The following MYT1L variants were observed in gnomAD, a reference collection of about 807,000 sequenced individuals.
The protein encoded by MYT1L is myelin transcription factor 1-like protein.
Under a neutral mutation model 126.7 loss-of-function variants are expected in MYT1L, and 12 were observed. That is an observed-to-expected ratio of 0.09 (90% CI 0.06 to 0.15). The LOEUF is 0.15. Among genes scored for constraint, MYT1L ranks in the 10% least tolerant of loss-of-function variants. The pLI, the probability that MYT1L is intolerant of heterozygous loss-of-function variation, is 1.00. For synonymous variants in MYT1L, 541 were observed against 604.2 expected, an observed-to-expected ratio of 0.90 and a Z score of 1.53; for missense variants, 979 against 1,585.2, an observed-to-expected ratio of 0.62 and a Z score of 6.49.
intron 4 of MYT1L, among the ~76,000 whole-genome samples, chr2:2,037,502 T>C (rs983149612): frequency 6.6e-6 from 1 of 151,632 alleles, no homozygotes; most frequent in Non-Finnish European, 1.5e-5. Flanking sequence ...ATGCCTGTAA[T>C]CCCAGCACCT....
intron 3 of MYT1L, among the ~76,000 whole-genome samples, chr2:2,075,071 C>T (rs1001170467): frequency 3.9e-5 from 6 of 152,094 alleles, no homozygotes; most frequent in African/African-American, 1.2e-4. Context: ...ACCTGGGAGT[C>T]AAGCCCAAGT....
intron 3 of MYT1L, among the ~76,000 whole-genome samples, chr2:2,097,426 G>A (rs930797710): frequency 1.3e-5 from 2 of 152,194 alleles, no homozygotes; most frequent in South Asian, 2.1e-4. Flanking sequence ...CTGTCAACAC[G>A]TGATCTTCTC....
rs976311952 is a variant in MYT1L, at chr2:2,204,092, C to T, written c.-420-31104G>A. Reference sequence around the variant, plus strand: ...GCTGAAAGTGGATCGCTTCCTTACACCTTATGCAAAAATTAATTCAAGATG... The same window carrying T: ...GCTGAAAGTGGATCGCTTCCTTACATCTTATGCAAAAATTAATTCAAGATG... On this transcript the variant is annotated intron_variant, in intron 2 of 24. Transcript: ENST00000647738. Among the ~76,000 whole-genome samples, 14 of 152,308 alleles carry T rather than the reference C, an allele frequency of 9.2e-5. No individual in the cohort carries two copies. The East Asian group carries it at 2.5e-3, about 27-fold the overall frequency.
At chr2:1,915,919 G>C (rs761931509) in intron 11 of MYT1L, among the ~76,000 whole-genome samples, 2 of 152,136 alleles carry the variant, frequency 1.3e-5, no homozygotes, top group Non-Finnish European at 2.9e-5. Context: ...CTGCAGTGTC[G>C]ATTGCGGGTT....
chr2:1,808,206 G>T (rs2036021293), intron 22 of MYT1L, among the ~76,000 whole-genome samples: 1 of 152,078 alleles, frequency 6.6e-6, no homozygotes, highest in African/African-American at 2.4e-5. Flanking sequence ...TGTTTTATGT[G>T]TGCTCCCATT....
chr2:2,275,202 A>ATG (rs10522538), intron 2 of MYT1L, among the ~76,000 whole-genome samples: 6,530 of 139,440 alleles, frequency 0.047, 176 homozygotes, highest in East Asian at 0.11. Flanking sequence ...TAATAATAAA[A>ATG]TGTGTGTGTG....
At chr2:2,167,201 C>T (rs2089290587) in intron 3 of MYT1L, among the ~76,000 whole-genome samples, 2 of 152,166 alleles carry the variant, frequency 1.3e-5, no homozygotes, top group Non-Finnish European at 2.9e-5. Context: ...GTGGGAAACA[C>T]TCACTGTTTT....
intron 2 of MYT1L, among the ~76,000 whole-genome samples, chr2:2,247,983 A>C (rs1265533524): frequency 6.6e-6 from 1 of 152,148 alleles, no homozygotes; most frequent in Non-Finnish European, 1.5e-5. Context: ...AATAACTAAA[A>C]AAGCAACAGC....
chr2:2,161,677 A>G (rs1051635379), intron 3 of MYT1L, among the ~76,000 whole-genome samples: 1 of 152,364 alleles, frequency 6.6e-6, no homozygotes, highest in East Asian at 1.9e-4. Flanking sequence ...CTCCCTGGGT[A>G]TGCGGCAATA....
intron 11 of MYT1L, among the ~76,000 whole-genome samples, chr2:1,915,107 C>T (rs986187260): frequency 4.6e-5 from 7 of 152,132 alleles, no homozygotes; most frequent in African/African-American, 7.2e-5. Context: ...TACAGTGTCT[C>T]GGGCAATGGC....
intron 2 of MYT1L, among the ~76,000 whole-genome samples, chr2:2,202,191 C>T (rs1473828377): frequency 6.6e-6 from 1 of 151,934 alleles, no homozygotes; most frequent in African/African-American, 2.4e-5. Context: ...AATTGACACC[C>T]TAACATCACA....
chr2:2,034,312 G>A (rs537765444), intron 4 of MYT1L, among the ~76,000 whole-genome samples: 12 of 150,402 alleles, frequency 8.0e-5, no homozygotes, highest in Middle Eastern at 3.4e-3. Context: ...CTCCCAATGC[G>A]GGTGCAGAAG....
chr2:2,217,687 ACAACAACAACAAC>A lies in MYT1L; in HGVS notation c.-420-44712_-420-44700del, dbSNP rs562000352. On this transcript the variant is annotated intron_variant, in intron 2 of 24. Transcript: ENST00000647738. ...CTCCATCTCAACAACAACAACAACAACAACAACAACAACAACAACAAAAAAAAAAAAAGAAAGA... is the reference window on the plus strand; with the variant it reads ...CTCCATCTCAACAACAACAACAACAAAACAACAAAAAAAAAAAAAGAAAGA... Among the ~76,000 whole-genome samples, 480 of 116,256 alleles carry A rather than the reference ACAACAACAACAAC, an allele frequency of 4.1e-3. 22 individuals carry two copies. Among genetic ancestry groups the A allele is most frequent in the Middle Eastern group, 0.012 (3 of 242 alleles). 76.3% of individuals were successfully genotyped at this position (116,256 alleles called of 152,430 possible).
intron 8 of MYT1L, among the ~76,000 whole-genome samples, chr2:1,972,569 CA>C (rs2059890751): frequency 6.6e-6 from 1 of 152,186 alleles, no homozygotes; most frequent in African/African-American, 2.4e-5. Flanking sequence ...GGCTCTGTTC[CA>C]GGGCTTTTAG....
chr2:2,060,273 A>G (rs535386651), intron 3 of MYT1L, among the ~76,000 whole-genome samples: 19 of 152,364 alleles, frequency 1.2e-4, no homozygotes, highest in African/African-American at 4.3e-4. Flanking sequence ...GTGATTGTAC[A>G]AACTCAGTTG....
chr2:2,330,826 C>T (rs1192614589), intron 1 of MYT1L, 141 bp downstream of exon 1: 1 of 152,092 alleles, frequency 6.6e-6, no homozygotes, highest in Non-Finnish European at 1.5e-5. Context: ...AGTCCAGGAA[C>T]ATTTCAGCTA....
chr2:2,095,162 G>C (rs1372126896), intron 3 of MYT1L, among the ~76,000 whole-genome samples: 4 of 152,122 alleles, frequency 2.6e-5, no homozygotes, highest in Non-Finnish European at 5.9e-5. Context: ...TGTCCCAGGG[G>C]GTGCCCCCAA....
intron 2 of MYT1L, among the ~76,000 whole-genome samples, chr2:2,246,880 G>A (rs1327286153): frequency 6.6e-6 from 1 of 152,188 alleles, no homozygotes; most frequent in African/African-American, 2.4e-5. Context: ...CATGGGGTGA[G>A]AAGCCTAACA....
chr2:2,038,694 C>G (rs886600832), intron 4 of MYT1L, among the ~76,000 whole-genome samples: 1 of 151,878 alleles, frequency 6.6e-6, no homozygotes, highest in Non-Finnish European at 1.5e-5. Context: ...GGTTCCAGTA[C>G]ACTCTGGAAC....
Sources: gnomAD v4.1 joint callset for allele counts (sites outside exome capture counted in the v4.1 genomes callset) on GRCh38, gnomAD v4.1.1 for gene constraint, MANE v1.5 for transcripts, NCBI Gene and HGNC (gene_info 2026-07-23, HGNC 2026-07-21) for gene names.